FIGN: variants seen among roughly 807,000 people sequenced by gnomAD.
FIGN encodes fidgetin.
A neutral mutation model predicts 51.3 loss-of-function variants in FIGN; 11 were observed. The ratio of observed to expected loss-of-function variants is 0.21; its 90% CI spans 0.13 to 0.35. The LOEUF (loss-of-function observed/expected upper bound fraction) is 0.35, where lower values mean the gene tolerates loss of function less well. Ranked by LOEUF, FIGN falls within the 10% of genes least tolerant of loss-of-function variation. FIGN has a pLI of 1.00. For missense variants in FIGN, 857 were observed against 943.6 expected (o/e 0.91, Z 1.20); for synonymous variants, 407 against 363.2 (o/e 1.12, Z -1.37).
At chr2:163,638,280 A>C (rs1259681909) in intron 2 of FIGN, among the ~76,000 whole-genome samples, 2 of 151,418 alleles carry the variant, frequency 1.3e-5, no homozygotes, top group Non-Finnish European at 2.9e-5. Flanking sequence ...GTAAAAACAC[A>C]AGCAGAAAAA....
chr2:163,722,205 A>G (rs933985168), intron 2 of FIGN, among the ~76,000 whole-genome samples: 12 of 152,184 alleles, frequency 7.9e-5, no homozygotes, highest in African/African-American at 2.9e-4. Context: ...AAAGGTCCCA[A>G]TTAAAATATT....
chr2:163,639,261 T>C (rs963282333), intron 2 of FIGN, among the ~76,000 whole-genome samples: 1 of 152,172 alleles, frequency 6.6e-6, no homozygotes, highest in Non-Finnish European at 1.5e-5. Context: ...ACAATTAAAA[T>C]TTTTCATACT....
At chr2:163,705,141 G>A (rs550653388) in intron 2 of FIGN, among the ~76,000 whole-genome samples, 10 of 152,206 alleles carry the variant, frequency 6.6e-5, no homozygotes, top group South Asian at 2.1e-4. Context: ...TAGTACATAC[G>A]TGTAAAGAAA....
At chr2:163,626,101 A>G (rs2105307985) in intron 2 of FIGN, among the ~76,000 whole-genome samples, 1 of 152,268 alleles carries the variant, frequency 6.6e-6, no homozygotes, top group East Asian at 1.9e-4. Context: ...TTCTGAATCA[A>G]TAGGGCCATG....
intron 2 of FIGN, among the ~76,000 whole-genome samples, chr2:163,627,061 C>A (rs1279727415): frequency 6.6e-6 from 1 of 152,098 alleles, no homozygotes; most frequent in Non-Finnish European, 1.5e-5. Context: ...GTTTAGCATA[C>A]GATCAAGAAA....
intron 2 of FIGN, among the ~76,000 whole-genome samples, chr2:163,691,103 G>A (rs1007694566): frequency 5.3e-5 from 8 of 152,144 alleles, no homozygotes; most frequent in African/African-American, 9.6e-5. Flanking sequence ...GAAATGGACC[G>A]TTGGCCACTG....
At chr2:163,697,610 G>C (rs982704123) in intron 2 of FIGN, among the ~76,000 whole-genome samples, 1 of 152,128 alleles carries the variant, frequency 6.6e-6, no homozygotes, top group Non-Finnish European at 1.5e-5. Flanking sequence ...TCAAGTCCAG[G>C]TTGGCAGAGA....
At chr2:163,653,614 A>G (rs890396267) in intron 2 of FIGN, among the ~76,000 whole-genome samples, 3 of 152,096 alleles carry the variant, frequency 2.0e-5, no homozygotes, top group Admixed American at 2.0e-4. Flanking sequence ...CATTAGTATT[A>G]ATATTTTAAA....
chr2:163,650,846 T>C (rs1683462028), intron 2 of FIGN, among the ~76,000 whole-genome samples: 1 of 152,186 alleles, frequency 6.6e-6, no homozygotes, highest in Admixed American at 6.5e-5. Flanking sequence ...CCTTCTAACA[T>C]AAAATTTCAT....
intron 2 of FIGN, among the ~76,000 whole-genome samples, chr2:163,684,606 C>T (rs1239551332): frequency 1.3e-5 from 2 of 152,116 alleles, no homozygotes; most frequent in Non-Finnish European, 2.9e-5. Flanking sequence ...GTACATGTCC[C>T]CACTTTAGGC....
intron 2 of FIGN, among the ~76,000 whole-genome samples, chr2:163,704,997 T>G (rs1684476378): frequency 6.6e-6 from 1 of 152,116 alleles, no homozygotes; most frequent in Non-Finnish European, 1.5e-5. Flanking sequence ...GATATTGATT[T>G]TACTTTTCTC....
chr2:163,728,834 T>G (rs987476449), intron 2 of FIGN, among the ~76,000 whole-genome samples: 2 of 152,332 alleles, frequency 1.3e-5, no homozygotes, highest in African/African-American at 4.8e-5. Context: ...GTCTTCAAAT[T>G]AATTTTTGAA....
At chr2:163,663,750 C>T (rs1188323183) in intron 2 of FIGN, among the ~76,000 whole-genome samples, 1 of 151,694 alleles carries the variant, frequency 6.6e-6, no homozygotes, top group East Asian at 2.0e-4. Flanking sequence ...GGTGTGGTGG[C>T]ACATGCCTGT....
At chr2:163,732,443 G>A (rs1054405914) in intron 2 of FIGN, among the ~76,000 whole-genome samples, 1 of 152,132 alleles carries the variant, frequency 6.6e-6, no homozygotes, top group African/African-American at 2.4e-5. Context: ...AAATTTGAAT[G>A]AAAAACTCTT....
Position 163,611,035 on chromosome 2 carries a change from C to A in FIGN, c.797G>T (p.Gly266Val). The A allele has an allele frequency of 1.9e-6, 3 of 1,613,820 alleles. No individual in the cohort carries two copies. The highest frequency in any genetic ancestry group is 2.2e-5 in the East Asian group (1 of 44,850). The change falls in exon 3 of 3, where the codon GGG becomes GTG. Residue 266 changes from glycine (G) to valine (V), a missense_variant. By Grantham distance (109) the Gly-to-Val change is moderately radical. Transcript: ENST00000333129. ...GTACGCTGAAGGCGGAGGCGGTGCCCCCCCAGGGCTGTACCCAGACCCCAC... is the reference window on the plus strand; with the variant it reads ...GTACGCTGAAGGCGGAGGCGGTGCCACCCCAGGGCTGTACCCAGACCCCAC... The part of the protein sequence containing the change: ...TAVGSGYSPG[G>V]APPPPSAYLP...
At position 163,610,370 on chromosome 2, in the gene FIGN, T is replaced by C. The variant is rs1317446886; in HGVS notation, c.1462A>G (p.Ile488Val). ...TQGPPVDWND[I>V]AGLDLVKAVI... ...GCCTTCACCAGGTCGAGACCAGCAA[T>C]GTCATTCCAGTCCACTGGAGGTCCT... is the stretch of plus-strand genomic sequence containing the variant. The change falls in exon 3 of 3, where the codon ATT (isoleucine) becomes GTT (valine). Residue 488 changes from isoleucine to valine, a missense_variant. Physicochemically the swap from Ile to Val is conservative, Grantham distance 29. Transcript: ENST00000333129. 1 of 1,614,094 alleles carries C rather than the reference T, an allele frequency of 6.2e-7. No individual in the cohort carries two copies. The highest frequency in any genetic ancestry group is 1.7e-5 in the Admixed American group (1 of 60,020).
At chr2:163,668,426 G>C (rs925767989) in intron 2 of FIGN, among the ~76,000 whole-genome samples, 10 of 152,152 alleles carry the variant, frequency 6.6e-5, no homozygotes, top group South Asian at 2.1e-4. Context: ...GTTGGACCCT[G>C]GTAGAAGCTC....
chr2:163,609,771 G>A lies in FIGN; in HGVS notation c.2061C>T (p.Gly687=), dbSNP rs777590561. The change falls in exon 3 of 3, where the codon GGC becomes GGT. Residue 687 remains glycine, a synonymous_variant. Transcript: ENST00000333129. ...EFALLVQRTE[G]FSGLDVAHLC... is the part of the protein sequence containing the mutation. ...AATGAGCCACATCTAGTCCAGAAAA[G>A]CCTTCTGTGCGCTGGACGAGCAGTG... The A allele has an allele frequency of 6.2e-7, 1 of 1,614,014 alleles. No individual in the cohort carries two copies. Among genetic ancestry groups the A allele is most frequent in the African/African-American group, 1.3e-5 (1 of 74,928 alleles).
At chr2:163,700,874 G>T (rs764577001) in intron 2 of FIGN, among the ~76,000 whole-genome samples, 10 of 151,952 alleles carry the variant, frequency 6.6e-5, no homozygotes, top group Non-Finnish European at 1.3e-4. Context: ...ATTAACAAGG[G>T]CTCTAAAACA....
Sources: allele counts gnomAD v4.1 joint callset (sites outside exome capture counted in the v4.1 genomes callset), GRCh38; gene constraint gnomAD v4.1.1; transcripts MANE v1.5; gene names NCBI Gene and HGNC (gene_info 2026-07-23, HGNC 2026-07-21).